LPIN1: variants seen among roughly 807,000 people sequenced by gnomAD.
LPIN1 encodes the protein phosphatidate phosphatase LPIN1.
LPIN1 carries 71 observed loss-of-function variants against 107.5 expected under a neutral mutation model. The observed-to-expected ratio is 0.66, with a 90% CI of 0.55 to 0.80. The LOEUF is 0.80. Ranked by LOEUF, LPIN1 falls within the 30% of genes least tolerant of loss-of-function variation. LPIN1 has a pLI of 0.00. For missense variants in LPIN1, 1,043 were observed against 1,160.6 expected, an observed-to-expected ratio of 0.90 and a Z score of 1.47; for synonymous variants, 445 against 452.6, an observed-to-expected ratio of 0.98 and a Z score of 0.21.
intron 1 of LPIN1, among the ~76,000 whole-genome samples, 183 bp downstream of exon 1, chr2:11,746,854 A>G (rs1480979473): frequency 2.3e-4 from 32 of 142,180 alleles, no homozygotes; most frequent in Non-Finnish European, 4.2e-4. Context: ...GGTTCGGGGG[A>G]GGGAGGCGGG....
At chr2:11,770,015 A>G (rs1671590394) in intron 3 of LPIN1, among the ~76,000 whole-genome samples, 1 of 152,198 alleles carries the variant, frequency 6.6e-6, no homozygotes, top group African/African-American at 2.4e-5. Flanking sequence ...CCCTGTTGAT[A>G]CTGGGGATCC....
intron 6 of LPIN1, among the ~76,000 whole-genome samples, chr2:11,776,955 G>T (rs904406602): frequency 2.6e-4 from 40 of 152,190 alleles, no homozygotes; most frequent in African/African-American, 8.9e-4. Flanking sequence ...ATTTGCAGAA[G>T]AAAAGTCCGT....
chr2:11,805,146 A>G lies in LPIN1; in HGVS notation c.2239A>G (p.Lys747Glu). The change falls in exon 17 of 21, where the codon AAA becomes GAA. Residue 747 changes from lysine to glutamate, a missense_variant. Transcript: ENST00000674199. Reference protein sequence around the residue: ...THQGIAKLYHKVSQNGYKFLY... With the variant: ...THQGIAKLYHEVSQNGYKFLY... The stretch of plus-strand genomic sequence containing the variant: ...TCAGGGCATCGCTAAGCTGTACCAT[A>G]AAGTGAGCCAGTGAGTACAGAGTTC... The G allele has an allele frequency of 6.2e-7, 1 of 1,613,646 alleles. No individual in the cohort carries two copies. The highest frequency in any genetic ancestry group is 8.5e-7 in the Non-Finnish European group (1 of 1,179,518).
chr2:11,702,276 G>C (rs1214460616), intron 1 of LPIN1, among the ~76,000 whole-genome samples: 3 of 152,226 alleles, frequency 2.0e-5, no homozygotes, highest in African/African-American at 7.2e-5. Flanking sequence ...GGGCTGGCTA[G>C]TGTGAATAAT....
chr2:11,795,482 C>T lies in LPIN1; in HGVS notation c.1881C>T (p.Ala627=), dbSNP rs370470674. The part of the protein sequence containing the change: ...TGEQPPQLSL[A]TRVKHESSSS... ...AGCAACCGCCGCAGCTCAGCTTGGC[C>T]ACCAGGTGCGGTAGGAGGCTTCTTG... The change falls in exon 14 of 21, where the codon GCC becomes GCT. Residue 627 remains alanine, a synonymous_variant. Coordinates refer to ENST00000674199, the MANE Select transcript of LPIN1 (RefSeq NM_001349206.2). The T allele has an allele frequency of 4.3e-6, 7 of 1,614,056 alleles. No individual in the cohort carries two copies. Among genetic ancestry groups the T allele is most frequent in the South Asian group, 1.1e-5 (1 of 91,080 alleles).
intron 2 of LPIN1, among the ~76,000 whole-genome samples, chr2:11,714,801 C>T (rs1006690004): frequency 6.6e-6 from 1 of 152,212 alleles, no homozygotes; most frequent in Admixed American, 6.5e-5. Flanking sequence ...ACTTAGTCTC[C>T]ACCCTCGAGG....
In LPIN1 at chr2:11,725,678, A is replaced by AT. The variant is rs372985887; in HGVS notation, c.-72+1146dup. ...TTCCATTGGGATTTTAAAGTCATGGATTTTTTTGTTTGTTCTGTTTTGTTT... is the reference window on the plus strand; with the variant it reads ...TTCCATTGGGATTTTAAAGTCATGGATTTTTTTTGTTTGTTCTGTTTTGTTT... On this transcript the variant is annotated intron_variant, in intron 1 of 21. Coordinates refer to the LPIN1 transcript ENST00000396097. Among the ~76,000 whole-genome samples the AT allele has an allele frequency of 6.1e-3, 925 of 152,208 alleles. 6 individuals carry two copies. The highest frequency in any genetic ancestry group is 8.2e-3 in the Non-Finnish European group (559 of 68,004).
At chr2:11,806,657 T>C (rs1678739830) in intron 17 of LPIN1, among the ~76,000 whole-genome samples, 1 of 152,182 alleles carries the variant, frequency 6.6e-6, no homozygotes, top group South Asian at 2.1e-4. Context: ...TTTTCTAGAT[T>C]TCATCTTTAA....
intron 1 of LPIN1, among the ~76,000 whole-genome samples, chr2:11,678,789 C>T (rs1180069877): frequency 6.6e-6 from 1 of 152,192 alleles, no homozygotes; most frequent in East Asian, 1.9e-4. Flanking sequence ...TGCAGCTTGG[C>T]CCTTTGGGCA....
intron 2 of LPIN1, among the ~76,000 whole-genome samples, chr2:11,718,910 G>C (rs547883144): frequency 9.2e-5 from 14 of 152,286 alleles, no homozygotes; most frequent in Non-Finnish European, 2.1e-4. Context: ...ACAAGCAAAG[G>C]GTGGTGGCTA....
At chr2:11,729,892 G>A (rs1424925785) in intron 1 of LPIN1, among the ~76,000 whole-genome samples, 2 of 151,994 alleles carry the variant, frequency 1.3e-5, no homozygotes, top group African/African-American at 2.4e-5. Flanking sequence ...GCATGTGTGA[G>A]TGTGTGCTGA....
chr2:11,805,291 G>T, intron 17 of LPIN1, 135 bp downstream of exon 17: 2 of 737,192 alleles, frequency 2.7e-6, no homozygotes, highest in Non-Finnish European at 4.9e-6. Flanking sequence ...AGGGGCAGTG[G>T]GGGTCAGGGG....
At chr2:11,691,046 G>A (rs1254133621) in intron 1 of LPIN1, among the ~76,000 whole-genome samples, 1 of 150,866 alleles carries the variant, frequency 6.6e-6, no homozygotes, top group Non-Finnish European at 1.5e-5. Context: ...CATTTTGCTT[G>A]AGGGCTCATT....
chr2:11,808,887 G>A lies in LPIN1; in HGVS notation c.2249+3731G>A, dbSNP rs368750569. ...CACCATCTCAAAAAAAAAAAAAAAA[G>A]AGAGAGCGAGAGAGAGAGAAAAAGC... On this transcript the variant is annotated intron_variant, in intron 17 of 20. Transcript: ENST00000674199. Among the ~76,000 whole-genome samples the A allele has an allele frequency of 1.3e-3, 149 of 113,998 alleles. 2 individuals carry two copies. The highest frequency in any genetic ancestry group is 2.4e-3 in the Non-Finnish European group (107 of 45,254). 74.8% of individuals were successfully genotyped at this position (113,998 alleles called of 152,430 possible).
chr2:11,755,790 C>T (rs1482242434), intron 1 of LPIN1, among the ~76,000 whole-genome samples: 3 of 151,294 alleles, frequency 2.0e-5, no homozygotes, highest in Admixed American at 6.6e-5. Flanking sequence ...GGCGCCGTCT[C>T]GGCTCACTGC....
chr2:11,796,014 C>T lies in LPIN1; in HGVS notation c.1886+527C>T, dbSNP rs551223615. ...TGTGGTGTTTTGTCTTCAGGTTAATCACTTTGTATGGGATTGGAGGTGACT... is the reference window on the plus strand; with the variant it reads ...TGTGGTGTTTTGTCTTCAGGTTAATTACTTTGTATGGGATTGGAGGTGACT... On this transcript the variant is annotated intron_variant, in intron 14 of 20. Coordinates refer to ENST00000674199, the MANE Select transcript of LPIN1 (RefSeq NM_001349206.2). Among the ~76,000 whole-genome samples the T allele has an allele frequency of 2.6e-5, 4 of 152,302 alleles. 1 individual carries two copies. Among genetic ancestry groups the T allele is most frequent in the South Asian group, 4.2e-4 (2 of 4,818 alleles).
chr2:11,735,510 C>G (rs892641787), intron 1 of LPIN1, among the ~76,000 whole-genome samples: 5 of 152,192 alleles, frequency 3.3e-5, no homozygotes, highest in Non-Finnish European at 7.4e-5. Flanking sequence ...GTGTCTTGTC[C>G]CTTTCCTGTG....
upstream of LPIN1, chr2:11,723,546 A>C (rs2148536847): frequency 6.6e-6 from 1 of 152,300 alleles, no homozygotes; most frequent in East Asian, 1.9e-4. Flanking sequence ...TGTCCCAGCT[A>C]CTCGGCAGGC....
chr2:11,798,931 G>T (rs1484291319), intron 14 of LPIN1, among the ~76,000 whole-genome samples: 1 of 152,178 alleles, frequency 6.6e-6, no homozygotes, highest in African/African-American at 2.4e-5. Flanking sequence ...TAACTTAGAT[G>T]TTGTTCACAG....
Sources: allele counts gnomAD v4.1 joint callset (sites outside exome capture counted in the v4.1 genomes callset), GRCh38; gene constraint gnomAD v4.1.1; transcripts MANE v1.5; gene names NCBI Gene and HGNC (gene_info 2026-07-23, HGNC 2026-07-21).